DSCAM: variants seen among roughly 807,000 people sequenced by gnomAD.
DSCAM encodes cell adhesion molecule DSCAM.
In DSCAM, 47 loss-of-function variants were observed where a neutral mutation model predicts 217.7. The ratio of observed to expected loss-of-function variants is 0.22; its 90% CI spans 0.17 to 0.28. The LOEUF is 0.28. DSCAM is among the 10% of genes least tolerant of loss of function. The probability of loss-of-function intolerance (pLI) is 1.00; values close to 1 mark genes in which losing one functional copy is unlikely to be tolerated. For missense variants in DSCAM, 2,080 were observed against 2,618.3 expected, an observed-to-expected ratio of 0.79 and a Z score of 4.49; for synonymous variants, 1,056 against 1,015.3, an observed-to-expected ratio of 1.04 and a Z score of -0.76.
intron 19 of DSCAM, among the ~76,000 whole-genome samples, chr21:40,125,025 G>C (rs1288036919): frequency 1.3e-5 from 2 of 152,144 alleles, no homozygotes; most frequent in African/African-American, 4.8e-5. Flanking sequence ...TGAGAAGCAT[G>C]AGGGTGAACT....
chr21:40,643,972 A>T (rs1477833431), intron 3 of DSCAM, among the ~76,000 whole-genome samples: 1 of 152,140 alleles, frequency 6.6e-6, no homozygotes, highest in Non-Finnish European at 1.5e-5. Context: ...TTCCATCCAC[A>T]TTTGTTCAAT....
chr21:40,563,982 G>T (rs556422561), intron 3 of DSCAM, among the ~76,000 whole-genome samples: 1 of 152,198 alleles, frequency 6.6e-6, no homozygotes, highest in Non-Finnish European at 1.5e-5. Flanking sequence ...GAGCAGAGCT[G>T]TGAGCAAGGC....
At chr21:40,445,781 T>C (rs2075669801) in intron 3 of DSCAM, among the ~76,000 whole-genome samples, 1 of 152,196 alleles carries the variant, frequency 6.6e-6, no homozygotes, top group South Asian at 2.1e-4. Context: ...CTATGGAAAT[T>C]TGCAACTAAG....
At chr21:40,429,279 T>G (rs1230358842) in intron 3 of DSCAM, among the ~76,000 whole-genome samples, 2 of 152,108 alleles carry the variant, frequency 1.3e-5, no homozygotes, top group Non-Finnish European at 2.9e-5. Context: ...GCTTTTTTTT[T>G]TTTGGAGACA....
chr21:40,540,895 G>A (rs2076538027), intron 3 of DSCAM, among the ~76,000 whole-genome samples: 2 of 151,868 alleles, frequency 1.3e-5, no homozygotes, highest in Admixed American at 1.3e-4. Flanking sequence ...TTTTTTGTTT[G>A]GGGTATTTTT....
chr21:40,214,856 C>G (rs1223374618), intron 11 of DSCAM, among the ~76,000 whole-genome samples: 2 of 151,858 alleles, frequency 1.3e-5, no homozygotes, highest in Non-Finnish European at 2.9e-5. Flanking sequence ...GCATCAAACT[C>G]CAGAGTTCCT....
At chr21:40,727,545 T>C (rs1435620245) in intron 1 of DSCAM, among the ~76,000 whole-genome samples, 1 of 152,142 alleles carries the variant, frequency 6.6e-6, no homozygotes, top group African/African-American at 2.4e-5. Context: ...TCATATCTTA[T>C]ATTCACAGCA....
intron 3 of DSCAM, among the ~76,000 whole-genome samples, chr21:40,436,186 T>C (rs1007700720): frequency 2.0e-5 from 3 of 152,250 alleles, no homozygotes; most frequent in Non-Finnish European, 4.4e-5. Context: ...GTGGAATATT[T>C]TTAACATACT....
chr21:40,444,860 C>G (rs1478549626), intron 3 of DSCAM, among the ~76,000 whole-genome samples: 1 of 152,192 alleles, frequency 6.6e-6, no homozygotes, highest in Non-Finnish European at 1.5e-5. Flanking sequence ...CCTCCATTCC[C>G]TACATGTGCC....
intron 3 of DSCAM, among the ~76,000 whole-genome samples, chr21:40,422,591 A>G (rs2075435389): frequency 1.3e-5 from 2 of 152,192 alleles, no homozygotes; most frequent in African/African-American, 4.8e-5. Context: ...GCAGTGAGCC[A>G]AGATCGCGCC....
intron 3 of DSCAM, among the ~76,000 whole-genome samples, chr21:40,683,103 T>A (rs7280280): frequency 0.85 from 129,946 of 152,090 alleles, 55,930 homozygotes; most frequent in East Asian, 0.98. Context: ...CTGATCTCAA[T>A]CTTCTAGGCT....
intron 11 of DSCAM, among the ~76,000 whole-genome samples, chr21:40,274,902 G>C (rs2073666427): frequency 6.6e-6 from 1 of 152,058 alleles, no homozygotes; most frequent in Non-Finnish European, 1.5e-5. Flanking sequence ...TGTTTAGCTA[G>C]CCTTTCAATA....
At chr21:40,671,316 A>C (rs2090270708) in intron 3 of DSCAM, among the ~76,000 whole-genome samples, 1 of 152,208 alleles carries the variant, frequency 6.6e-6, no homozygotes, top group Admixed American at 6.5e-5. Flanking sequence ...AGAACAGATA[A>C]TTTCTTCAAA....
At chr21:40,020,922 T>G (rs944786955) in intron 32 of DSCAM, among the ~76,000 whole-genome samples, 18 of 151,984 alleles carry the variant, frequency 1.2e-4, no homozygotes, top group Admixed American at 6.6e-5. Context: ...GCCCTTCCTG[T>G]CAGAGACCCT....
At chr21:40,789,356 C>T (rs907923250) in intron 1 of DSCAM, among the ~76,000 whole-genome samples, 8 of 151,888 alleles carry the variant, frequency 5.3e-5, no homozygotes, top group African/African-American at 1.9e-4. Flanking sequence ...GAATAATTTT[C>T]TGATTTGGCC....
At chr21:40,624,699 T>A (rs1211395733) in intron 3 of DSCAM, among the ~76,000 whole-genome samples, 1 of 151,948 alleles carries the variant, frequency 6.6e-6, no homozygotes, top group Non-Finnish European at 1.5e-5. Flanking sequence ...TGTATAGAAG[T>A]CAGGCCAAAA....
chr21:40,226,625 G>A (rs2091335248), intron 11 of DSCAM, among the ~76,000 whole-genome samples: 1 of 152,128 alleles, frequency 6.6e-6, no homozygotes, highest in South Asian at 2.1e-4. Context: ...TGTAACAAAT[G>A]AACCCAAAGT....
At chr21:40,524,310 G>A (rs113867994) in intron 3 of DSCAM, among the ~76,000 whole-genome samples, 3,362 of 151,962 alleles carry the variant, frequency 0.022, 123 homozygotes, top group African/African-American at 0.076. Flanking sequence ...TTTATTTTTC[G>A]TTAATGAGAG....
chr21:40,133,715 T>A (rs2090178057), intron 19 of DSCAM, 139 bp downstream of exon 19: 2 of 944,932 alleles, frequency 2.1e-6, no homozygotes, highest in African/African-American at 1.7e-5. Context: ...ATGGTCTGAA[T>A]TGCACTGGGA....
Sources: gnomAD v4.1 joint callset for allele counts (sites outside exome capture counted in the v4.1 genomes callset) on GRCh38, gnomAD v4.1.1 for gene constraint, MANE v1.5 for transcripts, NCBI Gene and HGNC (gene_info 2026-07-23, HGNC 2026-07-21) for gene names.